PCDH9: variants seen among roughly 807,000 people sequenced by gnomAD.
The protein encoded by PCDH9 is protocadherin 9, also known as protocadherin-9.
Under a neutral mutation model 70.6 loss-of-function variants are expected in PCDH9, and 24 were observed. The observed-to-expected ratio is 0.34, with a 90% confidence interval of 0.25 to 0.48. PCDH9 has a LOEUF of 0.48. Among genes scored for constraint, PCDH9 ranks in the 20% least tolerant of loss-of-function variants. The pLI is 0.99. For synonymous variants in PCDH9, 562 were observed against 558.5 expected (o/e 1.01, Z -0.09); for missense variants, 1,281 against 1,503.6 (o/e 0.85, Z 2.45).
intron 4 of PCDH9, among the ~76,000 whole-genome samples, chr13:66,354,657 C>G (rs1284140226): frequency 2.0e-5 from 3 of 152,018 alleles, no homozygotes; most frequent in Admixed American, 6.6e-5. Context: ...GAAATTTAGA[C>G]TTATAAAATA....
chr13:66,459,763 C>A (rs1453420319), intron 4 of PCDH9, among the ~76,000 whole-genome samples: 1 of 151,948 alleles, frequency 6.6e-6, no homozygotes. Context: ...GTTTTAGCAT[C>A]TAATAAATAT....
At chr13:66,890,448 CTTT>C (rs36076373) in intron 3 of PCDH9, among the ~76,000 whole-genome samples, 3 of 100,528 alleles carry the variant, frequency 3.0e-5, no homozygotes. Flanking sequence ...GACTTCTGAA[CTTT>C]TTTTTTTTTT....
chr13:67,129,591 A>G (rs1229975246), intron 2 of PCDH9, among the ~76,000 whole-genome samples: 2 of 151,738 alleles, frequency 1.3e-5, no homozygotes. Context: ...CTAAGGGCAC[A>G]ATCATATACT....
chr13:67,183,218 A>C (rs183993939), intron 2 of PCDH9, among the ~76,000 whole-genome samples: 1 of 152,166 alleles, frequency 6.6e-6, no homozygotes, highest in Non-Finnish European at 1.5e-5. Flanking sequence ...GAAAGTAAGC[A>C]ACTGTCAGGA....
chr13:66,385,029 C>T (rs1421359097), intron 4 of PCDH9, among the ~76,000 whole-genome samples: 2 of 152,068 alleles, frequency 1.3e-5, no homozygotes, highest in Admixed American at 6.6e-5. Context: ...TTCCTCCTAC[C>T]CCAACCCCTG....
chr13:66,944,946 G>T lies in PCDH9; in HGVS notation c.3037-41341C>A, dbSNP rs539575622. Among the ~76,000 whole-genome samples the T allele has an allele frequency of 3.3e-5, 5 of 151,452 alleles. No homozygotes were observed. The East Asian group carries it at 9.8e-4, about 30-fold the overall frequency. ...ACCTAAATTCTGAGTTGATTATTCT[G>T]TTGTGGCTCAGGACACACTACCCTA... On this transcript the variant is annotated intron_variant, in intron 2 of 4. Transcript: ENST00000377865.
At chr13:66,850,437 G>A (rs2081296899) in intron 3 of PCDH9, among the ~76,000 whole-genome samples, 1 of 151,972 alleles carries the variant, frequency 6.6e-6, no homozygotes, top group Non-Finnish European at 1.5e-5. Context: ...GAGGAACCTA[G>A]GAGGCGGAGT....
intron 2 of PCDH9, among the ~76,000 whole-genome samples, chr13:66,975,184 C>A (rs1373811698): frequency 1.3e-5 from 2 of 151,884 alleles, no homozygotes; most frequent in African/African-American, 4.8e-5. Context: ...CACAGATAGG[C>A]CATGTCATAG....
chr13:66,661,962 T>A (rs181229865), intron 3 of PCDH9, among the ~76,000 whole-genome samples: 1 of 152,278 alleles, frequency 6.6e-6, no homozygotes, highest in African/African-American at 2.4e-5. Context: ...TCCCACAGGT[T>A]AATATTGTGA....
intron 2 of PCDH9, among the ~76,000 whole-genome samples, chr13:67,083,502 C>A (rs890018967): frequency 1.3e-5 from 2 of 152,128 alleles, no homozygotes; most frequent in Non-Finnish European, 2.9e-5. Flanking sequence ...CAGAGAATTA[C>A]AGGAAAATAA....
At chr13:66,390,424 C>T (rs1304025284) in intron 4 of PCDH9, among the ~76,000 whole-genome samples, 1 of 152,036 alleles carries the variant, frequency 6.6e-6, no homozygotes, top group African/African-American at 2.4e-5. Flanking sequence ...ATGGATAGGA[C>T]AGCTAGAGGT....
chr13:66,353,567 C>A (rs1396084714), intron 4 of PCDH9, among the ~76,000 whole-genome samples: 1 of 152,084 alleles, frequency 6.6e-6, no homozygotes, highest in Non-Finnish European at 1.5e-5. Flanking sequence ...TTTTTAGATA[C>A]ACTTACTAAT....
intron 2 of PCDH9, among the ~76,000 whole-genome samples, chr13:67,105,732 T>C (rs1320237074): frequency 6.6e-6 from 1 of 151,994 alleles, no homozygotes; most frequent in East Asian, 1.9e-4. Flanking sequence ...CAATAATATT[T>C]ACTAAATTCC....
chr13:66,885,335 G>T lies in PCDH9; in HGVS notation c.3138+18169C>A, dbSNP rs60817376. 8.0e-3 allele frequency among the ~76,000 whole-genome samples: 1,214 copies of T among 152,244 alleles called. 14 individuals carry two copies. Among genetic ancestry groups the T allele is most frequent in the African/African-American group, 0.027 (1,132 of 41,528 alleles). The stretch of plus-strand genomic sequence containing the variant: ...GTCTCAAGCTCTAGAAAACATGAGT[G>T]TAGGAGTTAGGAATTCAATAAATAT... On this transcript the variant is annotated intron_variant, in intron 3 of 4. Coordinates refer to ENST00000377865, the MANE Select transcript of PCDH9 (RefSeq NM_203487.3).
At chr13:66,733,637 T>C (rs2079105215) in intron 3 of PCDH9, among the ~76,000 whole-genome samples, 1 of 151,312 alleles carries the variant, frequency 6.6e-6, no homozygotes, top group Non-Finnish European at 1.5e-5. Flanking sequence ...GTTTTAAGAT[T>C]AGTGGCATTT....
intron 2 of PCDH9, among the ~76,000 whole-genome samples, chr13:67,153,633 A>G (rs2087719077): frequency 6.6e-6 from 1 of 152,350 alleles, no homozygotes; most frequent in South Asian, 2.1e-4. Flanking sequence ...AATGCCTTAC[A>G]CATTAAGGGC....
At chr13:66,458,064 C>G (rs909670599) in intron 4 of PCDH9, among the ~76,000 whole-genome samples, 3 of 151,912 alleles carry the variant, frequency 2.0e-5, no homozygotes, top group African/African-American at 7.2e-5. Flanking sequence ...CCTAACAAAC[C>G]GTTACATGCA....
At chr13:67,204,490 G>C (rs1458915680) in intron 2 of PCDH9, 1 of 152,014 alleles carries the variant, frequency 6.6e-6, no homozygotes, top group African/African-American at 2.4e-5. Context: ...TTCCTCAACT[G>C]CCTAGAATTG....
chr13:67,181,972 T>C (rs1471066448), intron 2 of PCDH9, among the ~76,000 whole-genome samples: 1 of 152,204 alleles, frequency 6.6e-6, no homozygotes, highest in Admixed American at 6.5e-5. Flanking sequence ...CTTCACCTGA[T>C]TGACCAGTCC....
Sources: allele counts gnomAD v4.1 joint callset (sites outside exome capture counted in the v4.1 genomes callset), GRCh38; gene constraint gnomAD v4.1.1; transcripts MANE v1.5; gene names NCBI Gene and HGNC (gene_info 2026-07-23, HGNC 2026-07-21).